Variants in PDGFRB observed in about 807,000 individuals in gnomAD.
PDGFRB encodes platelet derived growth factor receptor beta.
PDGFRB carries 42 observed loss-of-function variants against 120.2 expected under a neutral mutation model. The ratio of observed to expected loss-of-function variants is 0.35; its 90% CI spans 0.27 to 0.45. The LOEUF (loss-of-function observed/expected upper bound fraction) is 0.45. PDGFRB is among the 20% of genes least tolerant of loss of function. The probability of loss-of-function intolerance (pLI) is 1.00; values close to 1 mark genes in which losing one functional copy is unlikely to be tolerated. For missense variants in PDGFRB, 1,149 were observed against 1,476.3 expected (o/e 0.78, Z 3.63); for synonymous variants, 586 against 606.8 (o/e 0.97, Z 0.50).
In PDGFRB at chr5:150,113,937, G is replaced by C; in HGVS notation, c.*1826C>G. On this transcript the variant is annotated 3_prime_UTR_variant, in exon 23 of 23. Coordinates refer to ENST00000261799, the MANE Select transcript of PDGFRB (RefSeq NM_002609.4). ...CAGCATACAAAATAGCATTTCTGCT[G>C]TATAAATGTGAGTTAACGTGAGTCC... The C allele has an allele frequency of 4.3e-6, 1 of 233,366 alleles. No individual in the cohort carries two copies. The highest frequency in any genetic ancestry group is 8.5e-6 in the Non-Finnish European group (1 of 117,896). 14.5% of individuals were successfully genotyped at this position (233,366 alleles called of 1,614,324 possible).
In PDGFRB at chr5:150,132,688, G is replaced by T; in HGVS notation, c.1127+62C>A. ...CTAGGTTTGTGGCTGAAAGCCGAGG[G>T]CTGCCTGGCGGCTGCAAAGAAAAAT... On this transcript the variant is annotated intron_variant, in intron 7 of 22. Transcript: ENST00000261799. The surrounding 1 kb of genome is among the most constrained non-coding windows in gnomAD (Gnocchi z 5.0). The T allele has an allele frequency of 1.3e-6, 2 of 1,502,632 alleles. No individual in the cohort carries two copies. Among genetic ancestry groups the T allele is most frequent in the Non-Finnish European group, 1.8e-6 (2 of 1,108,998 alleles). 93.1% of individuals were successfully genotyped at this position (1,502,632 alleles called of 1,614,324 possible). A position where few individuals can be genotyped will look rare whatever the true frequency, so the allele number is the denominator to read the frequency against.
chr5:150,139,505 G>C (rs1420638695), intron 1 of PDGFRB, among the ~76,000 whole-genome samples: 1 of 137,006 alleles, frequency 7.3e-6, no homozygotes, highest in South Asian at 2.1e-4. Context: ...GGGGTGTTTT[G>C]AGGAGGTGGG....
At chr5:150,151,222 T>G (rs1315704176) in intron 1 of PDGFRB, among the ~76,000 whole-genome samples, 1 of 152,212 alleles carries the variant, frequency 6.6e-6, no homozygotes, top group Non-Finnish European at 1.5e-5. Context: ...TGGCATGGCT[T>G]GGAATCCTGA....
chr5:150,120,149 G>A lies in PDGFRB; in HGVS notation c.2587-26C>T, dbSNP rs1454672787. Reference sequence around the variant, plus strand: ...CTGTAGGGAGGTCAGGACAGGTGCTGAGTGCAAGGAAGGACCTCAGCCCCA... The same window carrying A: ...CTGTAGGGAGGTCAGGACAGGTGCTAAGTGCAAGGAAGGACCTCAGCCCCA... On this transcript the variant is annotated intron_variant, in intron 18 of 22. Coordinates refer to ENST00000261799, the MANE Select transcript of PDGFRB (RefSeq NM_002609.4). The surrounding 1 kb of genome is among the most constrained non-coding windows in gnomAD (Gnocchi z 4.3). 1.9e-6 allele frequency: 2 copies of A among 1,049,068 alleles called. No homozygotes were observed. The highest frequency in any genetic ancestry group is 3.1e-5 in the African/African-American group (2 of 64,324). The allele number at this position is 1,049,068 out of a possible 1,614,324, so 65.0% of individuals were successfully genotyped here. A position where few individuals can be genotyped will look rare whatever the true frequency, so the allele number is the denominator to read the frequency against.
intron 22 of PDGFRB, among the ~76,000 whole-genome samples, chr5:150,116,641 A>G (rs545214811): frequency 1.4e-5 from 2 of 142,302 alleles, no homozygotes; most frequent in African/African-American, 5.5e-5. Flanking sequence ...TAAAAATAAT[A>G]AAAAAAAAAA....
At chr5:150,119,369 T>C in intron 20 of PDGFRB, 98 bp downstream of exon 20, 1 of 762,742 alleles carries the variant, frequency 1.3e-6, no homozygotes, top group Admixed American at 1.8e-5. Context: ...TCTAGATCTC[T>C]GAGCTAACAA....
intron 1 of PDGFRB, among the ~76,000 whole-genome samples, chr5:150,147,371 G>C (rs557224079): frequency 1.3e-5 from 2 of 152,330 alleles, no homozygotes; most frequent in East Asian, 1.9e-4. Flanking sequence ...ACTGAGGAGG[G>C]GGGTGCGGCA....
chr5:150,119,988 G>T, intron 19 of PDGFRB, 24 bp downstream of exon 19: 1 of 1,161,908 alleles, frequency 8.6e-7, no homozygotes, highest in Non-Finnish European at 1.3e-6. Context: ...GGATGCTGAG[G>T]GCTGGAGGAG....
chr5:150,126,412 G>A, intron 11 of PDGFRB, 108 bp downstream of exon 11: 1 of 735,234 alleles, frequency 1.4e-6, no homozygotes, highest in Non-Finnish European at 2.5e-6. Context: ...TCCATGCTGA[G>A]CCCTGCATGT....
At chr5:150,152,200 C>G (rs1444499191) in intron 1 of PDGFRB, among the ~76,000 whole-genome samples, 1 of 152,106 alleles carries the variant, frequency 6.6e-6, no homozygotes, top group Non-Finnish European at 1.5e-5. Context: ...AGCCACCGTG[C>G]CCAGCCTCGA....
intron 10 of PDGFRB, among the ~76,000 whole-genome samples, chr5:150,126,986 T>C (rs978942710): frequency 6.6e-6 from 1 of 152,194 alleles, no homozygotes; most frequent in Non-Finnish European, 1.5e-5. Context: ...GGTTGTGGCT[T>C]ACCTCTCCTC....
rs1760480004 is a variant in PDGFRB, at chr5:150,132,029, G to A, written c.1193C>T (p.Ala398Val). 5 of 1,611,680 alleles carry A rather than the reference G, an allele frequency of 3.1e-6. No individual in the cohort carries two copies. Among genetic ancestry groups the A allele is most frequent in the Non-Finnish European group, 4.2e-6 (5 of 1,177,800 alleles). ...CTGGACCTCAGCATCCTCATGGAAG[G>A]CCCGCATGGTGTAGTGGCCAGCCTC... Reference protein sequence around the residue: ...VAEAGHYTMRAFHEDAEVQLS... With the variant: ...VAEAGHYTMRVFHEDAEVQLS... The change falls in exon 8 of 23, where the codon GCC becomes GTC. Residue 398 changes from alanine (A) to valine (V), a missense_variant. Transcript: ENST00000261799. The surrounding 1 kb of genome is among the most constrained non-coding windows in gnomAD (Gnocchi z 5.0).
Position 150,132,733 on chromosome 5 carries a change from G to A in PDGFRB, c.1127+17C>T. 1 of 1,606,514 alleles carries A rather than the reference G, an allele frequency of 6.2e-7. No homozygotes were observed. The highest frequency in any genetic ancestry group is 2.2e-5 in the East Asian group (1 of 44,708). On this transcript the variant is annotated intron_variant, in intron 7 of 22. Transcript: ENST00000261799. This position sits in a 1 kb window ranked among gnomAD's most constrained non-coding sequence, Gnocchi z 5.0. ...AAAAATAACTTCAAGAATGGGATGG[G>A]AGAGCGAGCTGCTCACCGGGTCTCC...
At chr5:150,130,848 C>T (rs748091056) in intron 8 of PDGFRB, among the ~76,000 whole-genome samples, 186 bp from the exon 9 acceptor site, 29 of 152,098 alleles carry the variant, frequency 1.9e-4, no homozygotes, top group Non-Finnish European at 3.8e-4. Context: ...TCAAAGGGAA[C>T]GCCTCAGCAG....
intron 12 of PDGFRB, among the ~76,000 whole-genome samples, chr5:150,125,046 C>T (rs1389775514): frequency 6.6e-6 from 1 of 152,144 alleles, no homozygotes; most frequent in East Asian, 1.9e-4. Context: ...ACAATACCTC[C>T]CTGTCTTTCC....
At chr5:150,139,409 G>A (rs1177529519) in intron 1 of PDGFRB, among the ~76,000 whole-genome samples, 1 of 152,090 alleles carries the variant, frequency 6.6e-6, no homozygotes, top group Non-Finnish European at 1.5e-5. Context: ...AGGTTGGCAG[G>A]TGTCATCTCA....
intron 1 of PDGFRB, among the ~76,000 whole-genome samples, chr5:150,147,657 G>T (rs79609266): frequency 0.051 from 7,719 of 152,282 alleles, 239 homozygotes; most frequent in Admixed American, 0.071. Flanking sequence ...CTCCTGGGCG[G>T]CAGAGCAGGA....
At chr5:150,118,902 A>C in intron 20 of PDGFRB, 50 bp from the exon 21 acceptor site, 2 of 1,148,882 alleles carry the variant, frequency 1.7e-6, no homozygotes, top group South Asian at 1.3e-5. Context: ...TTCAGGGGAC[A>C]AGGCAGGGCT....
At chr5:150,118,401 T>C (rs1010839170) in intron 21 of PDGFRB, among the ~76,000 whole-genome samples, 2 of 152,130 alleles carry the variant, frequency 1.3e-5, no homozygotes, top group Non-Finnish European at 2.9e-5. Flanking sequence ...GGTCAGGCGG[T>C]TCATGGTCAT....
Sources: allele counts gnomAD v4.1 joint callset (sites outside exome capture counted in the v4.1 genomes callset), GRCh38; gene constraint gnomAD v4.1.1; non-coding constraint Gnocchi (gnomAD v3.1); transcripts MANE v1.5; gene names NCBI Gene and HGNC (gene_info 2026-07-23, HGNC 2026-07-21).